The following LRP2 variants were observed in gnomAD, a reference collection of about 807,000 sequenced individuals.
LRP2 encodes the protein LDL receptor related protein 2, also known as low-density lipoprotein receptor-related protein 2.
Under a neutral mutation model 531.0 loss-of-function variants are expected in LRP2, and 172 were observed. The ratio of observed to expected loss-of-function variants is 0.32; its 90% CI spans 0.29 to 0.37. The LOEUF (loss-of-function observed/expected upper bound fraction) is 0.37, where lower values mean the gene tolerates loss of function less well. Ranked by LOEUF, LRP2 falls within the 10% of genes least tolerant of loss-of-function variation. The probability of loss-of-function intolerance (pLI) is 1.00; values close to 1 mark genes in which losing one functional copy is unlikely to be tolerated. For synonymous variants in LRP2, 1,992 were observed against 2,027.6 expected, an observed-to-expected ratio of 0.98 and a Z score of 0.47; for missense variants, 5,167 against 5,868.3, an observed-to-expected ratio of 0.88 and a Z score of 3.90.
chr2:169,192,045 G>T lies in LRP2; in HGVS notation c.8831-12C>A. On this transcript the variant is annotated splice_polypyrimidine_tract_variant and intron_variant, in intron 47 of 78. Coordinates refer to ENST00000649046, the MANE Select transcript of LRP2 (RefSeq NM_004525.3). ...GCAGTTTTGATTCTCTGAAACCAAA[G>T]CACGCAAGAATCAGAAAGCATGAGA... 1 of 1,606,854 alleles carries T rather than the reference G, an allele frequency of 6.2e-7. No homozygotes were observed.
chr2:169,256,977 T>A (rs908265649), intron 18 of LRP2, 147 bp downstream of exon 18: 1 of 890,256 alleles, frequency 1.1e-6, no homozygotes, highest in Admixed American at 1.8e-5. Context: ...TTGTTCAATA[T>A]CCTTCTCCCA....
chr2:169,362,348 C>A lies in LRP2; in HGVS notation c.52G>T (p.Ala18Ser). The part of the protein sequence containing the change: ...VACTLLLALV[A>S]CLAPASGQEC... ...TGGCCACTGGCCGGCGCTAGGCAGG[C>A]GACGAGAGCCAGGAGCAGCGTGCAC... Residue 18 changes from alanine to serine, a missense_variant, in exon 1 of 79, where the codon GCC becomes TCC. By Grantham distance (99) the Ala-to-Ser change is moderately conservative (BLOSUM62 1). Around this residue, in one of 6 missense-constraint regions of LRP2, gnomAD observed 2,811 missense variants for 3,058.0 expected, o/e 0.92. Coordinates refer to ENST00000649046, the MANE Select transcript of LRP2 (RefSeq NM_004525.3). 3 of 1,568,792 alleles carry A rather than the reference C, an allele frequency of 1.9e-6. No homozygotes were observed. Among genetic ancestry groups the A allele is most frequent in the Non-Finnish European group, 2.6e-6 (3 of 1,158,684 alleles).
chr2:169,360,496 G>T (rs1416126046), intron 1 of LRP2, among the ~76,000 whole-genome samples: 2 of 152,086 alleles, frequency 1.3e-5, no homozygotes, highest in Non-Finnish European at 2.9e-5. Flanking sequence ...GTAGGTATTG[G>T]TTATTTAGTG....
chr2:169,239,910 T>C, intron 25 of LRP2, 135 bp from the exon 26 acceptor site: 2 of 757,104 alleles, frequency 2.6e-6, no homozygotes, highest in Admixed American at 4.2e-5. Context: ...AAGTGCAGCA[T>C]GCACTTGGGT....
In LRP2 at chr2:169,294,275, T is replaced by G. The variant is rs756101465; in HGVS notation, c.539-14A>C. ...AGCATATCTCAGCTGCAACAGAAAG[T>G]TAAGAAGGGAAAGAAAAGAGAGAAG... On this transcript the variant is annotated splice_polypyrimidine_tract_variant and intron_variant, in intron 5 of 78. Coordinates refer to ENST00000649046, the MANE Select transcript of LRP2 (RefSeq NM_004525.3). 2.7e-6 allele frequency: 4 copies of G among 1,461,900 alleles called. No individual in the cohort carries two copies. The South Asian group carries it at 4.5e-5, about 17-fold the overall frequency. The allele number at this position is 1,461,900 out of a possible 1,614,324, so 90.6% of individuals were successfully genotyped here.
chr2:169,198,818 C>G lies in LRP2; in HGVS notation c.8546G>C (p.Gly2849Ala), dbSNP rs1688090215. 2 of 1,613,906 alleles carry G rather than the reference C, an allele frequency of 1.2e-6. No homozygotes were observed. The highest frequency in any genetic ancestry group is 1.7e-6 in the Non-Finnish European group (2 of 1,179,862). ...VYLCDGDNDCGDNSDENPTYC... is the reference protein window; with the variant it reads ...VYLCDGDNDCADNSDENPTYC... ...AGTAGGGTTTTCATCACTGTTATCTCCACAGTCATTGTCTCCGTCACACAA... is the reference window on the plus strand; with the variant it reads ...AGTAGGGTTTTCATCACTGTTATCTGCACAGTCATTGTCTCCGTCACACAA... The change falls in exon 45 of 79, where the codon GGA becomes GCA. Residue 2849 changes from glycine to alanine, a missense_variant. Around this residue, in one of 6 missense-constraint regions of LRP2, gnomAD observed 1,129 missense variants for 1,362.7 expected, o/e 0.83. Coordinates refer to ENST00000649046, the MANE Select transcript of LRP2 (RefSeq NM_004525.3).
intron 1 of LRP2, among the ~76,000 whole-genome samples, chr2:169,323,231 T>C (rs1467158242): frequency 6.6e-6 from 1 of 152,184 alleles, no homozygotes; most frequent in Non-Finnish European, 1.5e-5. Flanking sequence ...TATCAACAGA[T>C]CTATAATTCA....
intron 70 of LRP2, among the ~76,000 whole-genome samples, chr2:169,143,023 A>G (rs1162042528): frequency 6.6e-6 from 1 of 151,946 alleles, no homozygotes. Flanking sequence ...TACCACTCAC[A>G]TTTTCTATTG....
At chr2:169,194,587 G>C (rs1276843990) in intron 46 of LRP2, among the ~76,000 whole-genome samples, 1 of 152,108 alleles carries the variant, frequency 6.6e-6, no homozygotes, top group East Asian at 1.9e-4. Context: ...AAACCCAGGG[G>C]ACCCTGGAAT....
chr2:169,183,108 C>T (rs1687501053), intron 50 of LRP2, among the ~76,000 whole-genome samples: 3 of 152,088 alleles, frequency 2.0e-5, no homozygotes, highest in Admixed American at 2.0e-4. Flanking sequence ...GTTAAATGCA[C>T]CTATAGTGAG....
rs371790481 is a variant in LRP2, at chr2:169,196,976, G to A, written c.8633C>T (p.Pro2878Leu). 109 of 1,614,006 alleles carry A rather than the reference G, an allele frequency of 6.8e-5. No individual in the cohort carries two copies. The highest frequency in any genetic ancestry group is 9.2e-5 in the Non-Finnish European group (108 of 1,180,016). ...TTCTTGATCACAATACCAATGTTGAGGAATACAGCGCCCAGATGCGCATTG... is the reference window on the plus strand; with the variant it reads ...TTCTTGATCACAATACCAATGTTGAAGAATACAGCGCCCAGATGCGCATTG... ...EFQCASGRCI[P>L]QHWYCDQETD... The change falls in exon 46 of 79, where the codon CCT becomes CTT. Residue 2878 changes from proline to leucine, a missense_variant. Transcript: ENST00000649046.
chr2:169,318,971 T>A, intron 2 of LRP2, 87 bp from the exon 3 acceptor site: 1 of 1,511,438 alleles, frequency 6.6e-7, no homozygotes, highest in South Asian at 1.1e-5. Flanking sequence ...GAGTGTATCA[T>A]GTAAACTCCT....
At chr2:169,203,679 C>G (rs1688278059) in intron 42 of LRP2, among the ~76,000 whole-genome samples, 1 of 152,174 alleles carries the variant, frequency 6.6e-6, no homozygotes, top group African/African-American at 2.4e-5. Context: ...ATGGCATGAA[C>G]CCAGGAGGTG....
intron 33 of LRP2, among the ~76,000 whole-genome samples, chr2:169,224,569 G>A (rs954152280): frequency 5.9e-5 from 9 of 152,240 alleles, no homozygotes; most frequent in African/African-American, 2.2e-4. Context: ...AAGAACAGAG[G>A]CAAACTATAA....
At chr2:169,258,792 A>G (rs1029868567) in intron 17 of LRP2, among the ~76,000 whole-genome samples, 8 of 152,118 alleles carry the variant, frequency 5.3e-5, no homozygotes, top group African/African-American at 1.9e-4. Context: ...CTCTTCAGTG[A>G]AGACTGAGAA....
At chr2:169,197,563 C>A (rs1007336705) in intron 45 of LRP2, among the ~76,000 whole-genome samples, 11 of 152,198 alleles carry the variant, frequency 7.2e-5, no homozygotes, top group African/African-American at 2.7e-4. Context: ...TGAACATTGA[C>A]TCTTTTCTCC....
intron 76 of LRP2, among the ~76,000 whole-genome samples, chr2:169,136,166 A>C (rs564831585): frequency 5.6e-4 from 85 of 152,222 alleles, no homozygotes; most frequent in African/African-American, 1.8e-3. Flanking sequence ...TCTACACGAC[A>C]AATGTTTCTT....
intron 9 of LRP2, among the ~76,000 whole-genome samples, chr2:169,285,285 C>T (rs543633213): frequency 3.0e-4 from 26 of 85,902 alleles, no homozygotes; most frequent in African/African-American, 6.2e-4. Context: ...GACAGTGAGA[C>T]CCTATCACAA....
At chr2:169,331,735 C>T (rs1196467095) in intron 1 of LRP2, among the ~76,000 whole-genome samples, 1 of 152,204 alleles carries the variant, frequency 6.6e-6, no homozygotes. Flanking sequence ...ATAACATGCC[C>T]TTCAGCACCT....
Sources: gnomAD v4.1 joint callset for allele counts (sites outside exome capture counted in the v4.1 genomes callset) on GRCh38, gnomAD v4.1.1 for gene constraint, gnomAD v4.1.1 regional missense constraint, MANE v1.5 for transcripts, NCBI Gene and HGNC (gene_info 2026-07-23, HGNC 2026-07-21) for gene names.